The following RHOBTB3 variants were observed in gnomAD, a reference collection of about 807,000 sequenced individuals.
RHOBTB3 encodes the protein rho-related BTB domain-containing protein 3.
In RHOBTB3, 47 loss-of-function variants were observed where a neutral mutation model predicts 67.2. The ratio of observed to expected loss-of-function variants is 0.70; its 90% CI spans 0.55 to 0.89. RHOBTB3 has a LOEUF of 0.89. Among genes scored for constraint, RHOBTB3 ranks in the 40% least tolerant of loss-of-function variants. The pLI is 0.00. For synonymous variants in RHOBTB3, 273 were observed against 274.2 expected (o/e 1.00, Z 0.04); for missense variants, 631 against 750.0 (o/e 0.84, Z 1.85).
intron 2 of RHOBTB3, among the ~76,000 whole-genome samples, chr5:95,736,096 A>G (rs1371364320): frequency 5.3e-5 from 8 of 152,228 alleles, no homozygotes; most frequent in Non-Finnish European, 1.2e-4. Flanking sequence ...AAAAAAAATC[A>G]AAACATTATA....
At chr5:95,778,777 C>G (rs1038833962) in intron 8 of RHOBTB3, among the ~76,000 whole-genome samples, 1 of 152,204 alleles carries the variant, frequency 6.6e-6, no homozygotes, top group Non-Finnish European at 1.5e-5. Flanking sequence ...CTGCTGTATA[C>G]AAATACAGCC....
chr5:95,781,050 A>G (rs536753904), intron 9 of RHOBTB3, among the ~76,000 whole-genome samples: 3 of 152,354 alleles, frequency 2.0e-5, no homozygotes, highest in African/African-American at 7.2e-5. Context: ...ATCTTTGACC[A>G]GGAACCAAAC....
At position 95,739,877 on chromosome 5, in the gene RHOBTB3, A is replaced by G. The variant is rs941479401; in HGVS notation, c.415+2802A>G. Among the ~76,000 whole-genome samples, 68 of 152,156 alleles carry G rather than the reference A, an allele frequency of 4.5e-4. 2 individuals are homozygous for G. The highest frequency in any genetic ancestry group is 2.9e-3 in the Admixed American group (44 of 15,270). On this transcript the variant is annotated intron_variant, in intron 3 of 11. Coordinates refer to ENST00000379982, the MANE Select transcript of RHOBTB3 (RefSeq NM_014899.4). ...TTTTTAACAGCCTGATACTTCTTCA[A>G]CTTTTCTTATGTTTTTTGGGTGACC...
chr5:95,770,758 G>A, intron 8 of RHOBTB3: 1 of 297,584 alleles, frequency 3.4e-6, no homozygotes, highest in South Asian at 3.6e-5. Flanking sequence ...GAAGCTCAAG[G>A]CAGTATTTCT....
At chr5:95,766,503 T>A (rs1745545993) in intron 7 of RHOBTB3, among the ~76,000 whole-genome samples, 1 of 152,002 alleles carries the variant, frequency 6.6e-6, no homozygotes, top group Non-Finnish European at 1.5e-5. Context: ...ATCCTAGTAT[T>A]TAAAATGACT....
At position 95,731,701 on chromosome 5, in the gene RHOBTB3, G is replaced by C; in HGVS notation, c.2+17G>C. On this transcript the variant is annotated intron_variant, in intron 1 of 11. Transcript: ENST00000379982. The stretch of plus-strand genomic sequence containing the variant: ...TGAGATCATGTACGTACGCGCCGCC[G>C]TCCTGCCATTGTCTCTCTCCAGCGC... 1 of 1,613,104 alleles carries C rather than the reference G, an allele frequency of 6.2e-7. No individual in the cohort carries two copies. The highest frequency in any genetic ancestry group is 8.5e-7 in the Non-Finnish European group (1 of 1,179,732).
At chr5:95,753,219 G>A (rs1745142803) in intron 5 of RHOBTB3, among the ~76,000 whole-genome samples, 1 of 143,362 alleles carries the variant, frequency 7.0e-6, no homozygotes, top group Admixed American at 6.9e-5. Flanking sequence ...GTATGTGTGT[G>A]TGTTGATGTG....
chr5:95,794,049 G>C lies in RHOBTB3; in HGVS notation c.*875G>C. On this transcript the variant is annotated 3_prime_UTR_variant, in exon 12 of 12. Transcript: ENST00000379982. ...GGCACTGATATAAAGGGAAGAGAAG[G>C]AGGCTCACCGGAGGGAAGAGAACAT... 2.2e-6 allele frequency: 1 copy of C among 456,228 alleles called. No homozygotes were observed. Among genetic ancestry groups the C allele is most frequent in the Non-Finnish European group, 4.4e-6 (1 of 226,940 alleles). 28.3% of individuals were successfully genotyped at this position (456,228 alleles called of 1,614,324 possible).
chr5:95,783,266 C>G (rs144877072), intron 9 of RHOBTB3, among the ~76,000 whole-genome samples: 43 of 151,706 alleles, frequency 2.8e-4, no homozygotes, highest in African/African-American at 9.7e-4. Flanking sequence ...GGACTACAGG[C>G]GCCCGCCACC....
At chr5:95,722,410 G>A (rs1218502609) in intron 1 of RHOBTB3, among the ~76,000 whole-genome samples, 1 of 152,064 alleles carries the variant, frequency 6.6e-6, no homozygotes, top group African/African-American at 2.4e-5. Flanking sequence ...ATGCATAACT[G>A]CATAATACAC....
At chr5:95,756,841 G>A (rs1745260623) in intron 6 of RHOBTB3, among the ~76,000 whole-genome samples, 1 of 152,088 alleles carries the variant, frequency 6.6e-6, no homozygotes, top group Non-Finnish European at 1.5e-5. Flanking sequence ...AAACAAGTAT[G>A]TTAATATTTT....
chr5:95,770,497 C>G, intron 8 of RHOBTB3: 1 of 330,366 alleles, frequency 3.0e-6, no homozygotes, highest in Middle Eastern at 5.1e-4. Context: ...GTGCAGCGTT[C>G]CTCAGAAGTT....
upstream of RHOBTB3, among the ~76,000 whole-genome samples, chr5:95,730,538 T>C (rs187988927): frequency 5.3e-5 from 8 of 152,340 alleles, no homozygotes; most frequent in Admixed American, 5.2e-4. Flanking sequence ...TTTACGTGAT[T>C]ATGTTTTCAG....
intron 9 of RHOBTB3, 181 bp from the exon 10 acceptor site, chr5:95,783,615 TA>T: frequency 3.5e-6 from 1 of 289,656 alleles, no homozygotes; most frequent in East Asian, 5.8e-5. Flanking sequence ...AAAAAAAAGA[TA>T]AAATGGAATA....
At chr5:95,729,391 A>G (rs1299274577), upstream of RHOBTB3, among the ~76,000 whole-genome samples, 3 of 152,146 alleles carry the variant, frequency 2.0e-5, no homozygotes, top group African/African-American at 7.2e-5. Context: ...GAAAAAATGA[A>G]TACTTTCTCC....
chr5:95,767,785 T>G (rs1031526285), intron 7 of RHOBTB3: 18 of 701,976 alleles, frequency 2.6e-5, no homozygotes, highest in Non-Finnish European at 4.2e-5. Flanking sequence ...ACCTTGCAGC[T>G]TCTCAGCAAT....
At chr5:95,748,554 C>A in intron 4 of RHOBTB3, 67 bp downstream of exon 4, 2 of 1,242,224 alleles carry the variant, frequency 1.6e-6, no homozygotes, top group Non-Finnish European at 2.2e-6. Context: ...TTTTGTAGAA[C>A]ATCAGTTAGA....
chr5:95,747,264 T>C (rs898754265), intron 3 of RHOBTB3, among the ~76,000 whole-genome samples: 3 of 152,212 alleles, frequency 2.0e-5, no homozygotes, highest in Admixed American at 6.5e-5. Flanking sequence ...CAGAGCCCCC[T>C]GTAGGATCAG....
chr5:95,755,322 T>G (rs1268955748), intron 5 of RHOBTB3, 74 bp from the exon 6 acceptor site: 2 of 1,075,718 alleles, frequency 1.9e-6, no homozygotes, highest in Non-Finnish European at 2.5e-6. Flanking sequence ...CAATTATATT[T>G]AAAGTAAACA....
Sources: allele counts gnomAD v4.1 joint callset (sites outside exome capture counted in the v4.1 genomes callset), GRCh38; gene constraint gnomAD v4.1.1; transcripts MANE v1.5; gene names NCBI Gene and HGNC (gene_info 2026-07-23, HGNC 2026-07-21).